The following COL21A1 variants were observed in gnomAD, a reference collection of about 807,000 sequenced individuals.
COL21A1 encodes the protein collagen type XXI alpha 1 chain, also known as collagen alpha-1(XXI) chain.
A neutral mutation model predicts 137.9 loss-of-function variants in COL21A1; 149 were observed. The observed-to-expected ratio is 1.08, with a 90% CI of 0.95 to 1.24. The LOEUF is 1.24. Among genes scored for constraint, COL21A1 ranks in the 50% most tolerant of loss-of-function variants. The pLI, the probability that COL21A1 is intolerant of heterozygous loss-of-function variation, is 0.00. For synonymous variants in COL21A1, 456 were observed against 391.5 expected (o/e 1.16, Z -1.95); for missense variants, 1,167 against 1,158.4 (o/e 1.01, Z -0.11).
At chr6:56,187,566 T>C (rs1213006587) in intron 1 of COL21A1, among the ~76,000 whole-genome samples, 1 of 152,196 alleles carries the variant, frequency 6.6e-6, no homozygotes, top group African/African-American at 2.4e-5. Context: ...AACAAAAATG[T>C]CAAAGTAGTT....
intron 1 of COL21A1, among the ~76,000 whole-genome samples, chr6:56,226,737 T>C (rs1055385039): frequency 3.9e-5 from 6 of 152,050 alleles, no homozygotes; most frequent in African/African-American, 1.4e-4. Flanking sequence ...CTGCAGTTTA[T>C]ATGAAAATCC....
intron 1 of COL21A1, among the ~76,000 whole-genome samples, chr6:56,331,501 T>C (rs1262317614): frequency 2.6e-5 from 4 of 151,884 alleles, no homozygotes; most frequent in African/African-American, 9.7e-5. Context: ...TATATGACAG[T>C]GCAGTTTTCC....
rs1016096385 is a variant in COL21A1, at chr6:56,380,134, C to T, written c.-39+13837G>A. ...TTGGTGCAACCCCCTCTAGTTTACA[C>T]GAGAGCTGGTTGTTTACAAGACCCT... is the stretch of plus-strand genomic sequence containing the variant. On this transcript the variant is annotated intron_variant, in intron 1 of 28. Transcript: ENST00000370819. Among the ~76,000 whole-genome samples, 3 of 152,242 alleles carry T rather than the reference C, an allele frequency of 2.0e-5. 1 individual carries two copies. The highest frequency in any genetic ancestry group is 4.1e-4 in the South Asian group (2 of 4,824).
At chr6:56,376,011 T>G (rs1581787777) in intron 1 of COL21A1, among the ~76,000 whole-genome samples, 2 of 152,226 alleles carry the variant, frequency 1.3e-5, no homozygotes, top group African/African-American at 4.8e-5. Context: ...AACAATAGGG[T>G]AAGAAGAGCT....
rs146309104 is a variant in COL21A1, at chr6:56,136,819, CTA to C, written c.1542+4964_1542+4965del. Among the ~76,000 whole-genome samples the C allele has an allele frequency of 7.2e-4, 110 of 152,204 alleles. No homozygotes were observed. In the East Asian group the frequency reaches 0.011, roughly 16 times the overall value. On this transcript the variant is annotated intron_variant, in intron 12 of 29. Transcript: ENST00000244728. The stretch of plus-strand genomic sequence containing the variant: ...TTTTGCAATTTAAAGGTTTGATGAC[CTA>C]TGATCTACAATGAACTATCCCTCTT...
intron 1 of COL21A1, among the ~76,000 whole-genome samples, chr6:56,310,923 A>T (rs1764598948): frequency 6.6e-6 from 1 of 152,140 alleles, no homozygotes; most frequent in African/African-American, 2.4e-5. Context: ...TTTGACCCAT[A>T]AGCATACTTG....
intron 22 of COL21A1, among the ~76,000 whole-genome samples, chr6:56,068,461 T>G (rs12208500): frequency 0.15 from 22,851 of 151,474 alleles, 1,757 homozygotes; most frequent in Middle Eastern, 0.21. Flanking sequence ...ACAAGTCAAG[T>G]TTCCCTTACT....
chr6:56,063,905 A>G (rs1271462955), intron 24 of COL21A1, among the ~76,000 whole-genome samples: 2 of 152,110 alleles, frequency 1.3e-5, no homozygotes, highest in Admixed American at 1.3e-4. Flanking sequence ...AACCATGTCC[A>G]GCATTCTGCA....
rs116649901 is a variant in COL21A1, at chr6:56,272,877, C to T, written c.-38-90221G>A. ...CCCCAAGCCATATGGAACTGTGTGTCAATTAAACCTTTTTTCTTCATGAAT... is the reference window on the plus strand; with the variant it reads ...CCCCAAGCCATATGGAACTGTGTGTTAATTAAACCTTTTTTCTTCATGAAT... On this transcript the variant is annotated intron_variant, in intron 1 of 28. Transcript: ENST00000370819. 7.6e-3 allele frequency among the ~76,000 whole-genome samples: 1,158 copies of T among 152,236 alleles called. 3 individuals carry two copies. The highest frequency in any genetic ancestry group is 0.013 in the Non-Finnish European group (869 of 68,028).
At chr6:56,075,236 A>G (rs1039005260) in intron 19 of COL21A1, among the ~76,000 whole-genome samples, 2 of 151,480 alleles carry the variant, frequency 1.3e-5, no homozygotes, top group Non-Finnish European at 3.0e-5. Context: ...TAATTTATCT[A>G]CAGTTAGGGT....
chr6:56,259,117 C>A (rs1763188016), intron 1 of COL21A1, among the ~76,000 whole-genome samples: 1 of 152,106 alleles, frequency 6.6e-6, no homozygotes, highest in African/African-American at 2.4e-5. Flanking sequence ...TTGGACATAC[C>A]CTGACTTGGC....
intron 1 of COL21A1, among the ~76,000 whole-genome samples, chr6:56,306,972 G>A (rs1275288779): frequency 2.6e-5 from 4 of 152,202 alleles, no homozygotes; most frequent in Non-Finnish European, 5.9e-5. Context: ...GTCTGTTGGA[G>A]TTTGCTGGAG....
rs1307513142 is a variant in COL21A1, at chr6:56,245,322, TAAA to T, written c.-39+2062_-39+2064del. ...GGTGAAATCCTTCACCACAGTGACT[TAAA>T]AAAACCTAGGCTATTGATTTGAAGC... On this transcript the variant is annotated intron_variant, in intron 1 of 29. Coordinates refer to ENST00000244728, the MANE Select transcript of COL21A1 (RefSeq NM_030820.4). Among the ~76,000 whole-genome samples, 7 of 152,164 alleles carry T rather than the reference TAAA, an allele frequency of 4.6e-5. No individual in the cohort carries two copies. In the South Asian group the frequency reaches 8.3e-4, roughly 18 times the overall value.
Position 56,060,948 on chromosome 6 carries a change from A to G in COL21A1, c.2295T>C (p.Pro765=). 6.2e-7 allele frequency: 1 copy of G among 1,606,784 alleles called. No homozygotes were observed. Among genetic ancestry groups the G allele is most frequent in the Non-Finnish European group, 8.5e-7 (1 of 1,177,308 alleles). ...GVDGLMGPAG[P]KGQPGDPGPQ... is the part of the protein sequence containing the mutation. ...GACCTGGATCCCCAGGTTGCCCCTT[A>G]GGACCTGCGGGCCCCATCAAGCCAT... is the stretch of plus-strand genomic sequence containing the variant. Residue 765 remains proline (P), a synonymous_variant, in exon 26 of 30, where the codon CCT becomes CCC. Transcript: ENST00000244728.
At chr6:56,339,015 C>T (rs1765402842) in intron 1 of COL21A1, among the ~76,000 whole-genome samples, 1 of 152,148 alleles carries the variant, frequency 6.6e-6, no homozygotes, top group South Asian at 2.1e-4. Flanking sequence ...ATTTCCCAAG[C>T]CAATAGGAAC....
At chr6:56,108,641 G>A (rs1454554836) in intron 16 of COL21A1, among the ~76,000 whole-genome samples, 3 of 151,704 alleles carry the variant, frequency 2.0e-5, no homozygotes, top group Admixed American at 1.3e-4. Flanking sequence ...AAAAATGCAC[G>A]AATAATAGGA....
chr6:56,298,979 T>C (rs747119700), intron 1 of COL21A1, among the ~76,000 whole-genome samples: 4 of 152,124 alleles, frequency 2.6e-5, no homozygotes, highest in Non-Finnish European at 5.9e-5. Context: ...TTCTACACAA[T>C]CACAGTAAAC....
chr6:56,149,522 C>T (rs2152247483), intron 10 of COL21A1, among the ~76,000 whole-genome samples: 1 of 152,272 alleles, frequency 6.6e-6, no homozygotes, highest in African/African-American at 2.4e-5. Flanking sequence ...GAGAACTCAT[C>T]CTAAATGTCA....
chr6:56,142,437 T>C (rs1050252362), intron 10 of COL21A1, among the ~76,000 whole-genome samples: 1 of 152,172 alleles, frequency 6.6e-6, no homozygotes, highest in Non-Finnish European at 1.5e-5. Context: ...ATCTTTAAAT[T>C]ACTCATTTTA....
Sources: allele counts gnomAD v4.1 joint callset (sites outside exome capture counted in the v4.1 genomes callset), GRCh38; gene constraint gnomAD v4.1.1; transcripts MANE v1.5; gene names NCBI Gene and HGNC (gene_info 2026-07-23, HGNC 2026-07-21).